Variants in RBFOX2 observed in about 807,000 individuals in gnomAD.
RBFOX2 encodes the protein RNA binding protein fox-1 homolog 2.
Under a neutral mutation model 49.1 loss-of-function variants are expected in RBFOX2, and 10 were observed. That is an observed-to-expected ratio of 0.20 (90% confidence interval 0.13 to 0.35). RBFOX2 has a LOEUF of 0.35. Ranked by LOEUF, RBFOX2 falls within the 10% of genes least tolerant of loss-of-function variation. The probability of loss-of-function intolerance (pLI) is 1.00; values close to 1 mark genes in which losing one functional copy is unlikely to be tolerated. For synonymous variants in RBFOX2, 183 were observed against 187.4 expected, an observed-to-expected ratio of 0.98 and a Z score of 0.19; for missense variants, 323 against 486.9, an observed-to-expected ratio of 0.66 and a Z score of 3.17.
intron 4 of RBFOX2, among the ~76,000 whole-genome samples, chr22:35,774,920 A>G (rs1259171637): frequency 6.6e-6 from 1 of 152,168 alleles, no homozygotes; most frequent in Non-Finnish European, 1.5e-5. Context: ...TCTTAGAGTT[A>G]TTTTGTGACT....
chr22:35,940,458 GA>G (rs1233972488), upstream of RBFOX2, among the ~76,000 whole-genome samples: 3 of 152,154 alleles, frequency 2.0e-5, no homozygotes, highest in Non-Finnish European at 4.4e-5. Flanking sequence ...TATTGTCAAA[GA>G]CATGGAGAAA....
chr22:35,846,530 C>T (rs189631099), intron 1 of RBFOX2, among the ~76,000 whole-genome samples: 98 of 151,480 alleles, frequency 6.5e-4, no homozygotes, highest in African/African-American at 2.2e-3. Context: ...GTGGATCACC[C>T]GAGGATGGGA....
At position 35,765,404 on chromosome 22, in the gene RBFOX2, G is replaced by A. The variant is rs373046475; in HGVS notation, c.607+19C>T. ...TTTACACAAGAATAAACACTCTTTC[G>A]AAGATTATAATTTCTTACCATTTGC... On this transcript the variant is annotated intron_variant, in intron 6 of 11. Coordinates refer to ENST00000405409, the Ensembl canonical transcript of RBFOX2. 3.4e-5 allele frequency: 50 copies of A among 1,478,274 alleles called. No homozygotes were observed. Among genetic ancestry groups the A allele is most frequent in the African/African-American group, 2.3e-4 (16 of 70,602 alleles). 91.6% of individuals were successfully genotyped at this position (1,478,274 alleles called of 1,614,324 possible).
chr22:35,975,875 T>A (rs1020291633), intron 1 of RBFOX2, among the ~76,000 whole-genome samples: 1 of 152,212 alleles, frequency 6.6e-6, no homozygotes, highest in Non-Finnish European at 1.5e-5. Context: ...TACTGTTATT[T>A]TACTTAATAC....
At position 35,746,492 on chromosome 22, in the gene RBFOX2, C is replaced by A. The variant is rs1281377303; in HGVS notation, c.957G>T (p.Leu319=). Residue 319 remains leucine (L), a synonymous_variant, in exon 10 of 12, where the codon CTG becomes CTT. Transcript: ENST00000405409. Reference sequence around the variant, plus strand: ...ACATACCCGTCACTGTAAGCGGCTGCAGCGGCTGCAGCAGCGGTGGCTGCG... The same window carrying A: ...ACATACCCGTCACTGTAAGCGGCTGAAGCGGCTGCAGCAGCGGTGGCTGCG... 23 of 1,604,516 alleles carry A rather than the reference C, an allele frequency of 1.4e-5. No homozygotes were observed. Among genetic ancestry groups the A allele is most frequent in the Non-Finnish European group, 1.9e-5 (22 of 1,174,760 alleles).
intron 1 of RBFOX2, among the ~76,000 whole-genome samples, chr22:35,948,724 C>T (rs2149822761): frequency 6.6e-6 from 1 of 152,060 alleles, no homozygotes; most frequent in South Asian, 2.1e-4. Flanking sequence ...AAATAAAGTT[C>T]CCCGTTAATC....
At chr22:35,950,953 C>A (rs886792513) in intron 1 of RBFOX2, among the ~76,000 whole-genome samples, 1 of 128,144 alleles carries the variant, frequency 7.8e-6, no homozygotes, top group East Asian at 2.2e-4. Context: ...GTAAAGAATT[C>A]TTTTTTTTTT....
At chr22:35,916,266 G>A (rs1424103349) in intron 1 of RBFOX2, among the ~76,000 whole-genome samples, 11 of 152,114 alleles carry the variant, frequency 7.2e-5, no homozygotes, top group Admixed American at 6.6e-5. Context: ...ACCTTATAGA[G>A]AGAATGGGTG....
At chr22:35,917,163 G>C (rs1414273149) in intron 1 of RBFOX2, among the ~76,000 whole-genome samples, 1 of 152,122 alleles carries the variant, frequency 6.6e-6, no homozygotes, top group Non-Finnish European at 1.5e-5. Flanking sequence ...AAAGAGTGAA[G>C]GATACAACTT....
chr22:35,930,075 G>A (rs1013564646), intron 1 of RBFOX2, among the ~76,000 whole-genome samples: 7 of 141,792 alleles, frequency 4.9e-5, no homozygotes, highest in African/African-American at 1.9e-4. Context: ...AGGCTCGAGT[G>A]CAGTGGCATA....
chr22:35,837,058 T>C (rs377472332), intron 1 of RBFOX2, among the ~76,000 whole-genome samples: 1 of 152,236 alleles, frequency 6.6e-6, no homozygotes, highest in East Asian at 1.9e-4. Context: ...CTATCGGCTA[T>C]ATTAGAATTT....
intron 11 of RBFOX2, among the ~76,000 whole-genome samples, chr22:35,744,600 C>A (rs1203647942): frequency 1.3e-5 from 2 of 152,322 alleles, no homozygotes; most frequent in East Asian, 3.9e-4. Context: ...CTTGATACAG[C>A]CTTATAATCC....
At chr22:35,760,806 A>AG (rs1293206285) in intron 8 of RBFOX2, among the ~76,000 whole-genome samples, 1 of 152,218 alleles carries the variant, frequency 6.6e-6, no homozygotes, top group African/African-American at 2.4e-5. Flanking sequence ...TGACTTAGAG[A>AG]GATCAAGAGA....
At chr22:35,784,510 C>T (rs1309884637) in intron 2 of RBFOX2, among the ~76,000 whole-genome samples, 1 of 152,250 alleles carries the variant, frequency 6.6e-6, no homozygotes. Context: ...TCAGGCCAGC[C>T]TTTGCTGTCC....
intron 1 of RBFOX2, among the ~76,000 whole-genome samples, chr22:35,894,949 C>T (rs2047659268): frequency 6.6e-6 from 1 of 151,222 alleles, no homozygotes; most frequent in African/African-American, 2.4e-5. Flanking sequence ...GGGGAGAAAC[C>T]CCCCAAAATC....
intron 1 of RBFOX2, among the ~76,000 whole-genome samples, chr22:36,022,399 A>G (rs2059278191): frequency 6.6e-6 from 1 of 152,240 alleles, no homozygotes; most frequent in African/African-American, 2.4e-5. Flanking sequence ...CAGAGTAGCT[A>G]GAAAATGGGA....
intron 1 of RBFOX2, among the ~76,000 whole-genome samples, chr22:35,878,040 A>AC (rs2045373753): frequency 1.3e-4 from 2 of 15,680 alleles, no homozygotes; most frequent in African/African-American, 1.0e-3. Flanking sequence ...TACTACTACT[A>AC]CACACACACA....
intron 1 of RBFOX2, among the ~76,000 whole-genome samples, chr22:35,847,482 A>G (rs969173760): frequency 2.2e-4 from 33 of 152,334 alleles, no homozygotes; most frequent in African/African-American, 7.7e-4. Context: ...CTTGGATTTA[A>G]CTAAGCAAAA....
intron 1 of RBFOX2, among the ~76,000 whole-genome samples, chr22:35,878,782 G>C (rs1422999323): frequency 6.6e-6 from 1 of 152,028 alleles, no homozygotes; most frequent in Non-Finnish European, 1.5e-5. Flanking sequence ...CCAGGCTGGA[G>C]TGCAGAGGCA....
Sources: gnomAD v4.1 joint callset for allele counts (sites outside exome capture counted in the v4.1 genomes callset) on GRCh38, gnomAD v4.1.1 for gene constraint, MANE v1.5 for transcripts, NCBI Gene and HGNC (gene_info 2026-07-23, HGNC 2026-07-21) for gene names.